RFTN1: variants seen among roughly 807,000 people sequenced by gnomAD.
RFTN1 encodes raftlin, lipid raft linker 1, also known as raftlin.
In RFTN1, 26 loss-of-function variants were observed where a neutral mutation model predicts 46.5. That is an observed-to-expected ratio of 0.56 (90% CI 0.41 to 0.78). The LOEUF (loss-of-function observed/expected upper bound fraction) is 0.78, where lower values mean the gene tolerates loss of function less well. Ranked by LOEUF, RFTN1 falls within the 30% of genes least tolerant of loss-of-function variation. The pLI is 0.00. For missense variants in RFTN1, 693 were observed against 718.7 expected (o/e 0.96, Z 0.41); for synonymous variants, 261 against 284.2 (o/e 0.92, Z 0.82).
At chr3:16,386,311 T>C (rs2074171601) in intron 4 of RFTN1, among the ~76,000 whole-genome samples, 1 of 152,222 alleles carries the variant, frequency 6.6e-6, no homozygotes, top group African/African-American at 2.4e-5. Flanking sequence ...AATTCTGTAA[T>C]CACAATTTAC....
chr3:16,417,655 T>A (rs928683550), intron 3 of RFTN1, among the ~76,000 whole-genome samples: 6 of 152,184 alleles, frequency 3.9e-5, no homozygotes, highest in African/African-American at 1.4e-4. Context: ...GGTGTAGTCA[T>A]TCTCCAGGCA....
chr3:16,367,556 C>T (rs1277849304), intron 6 of RFTN1, among the ~76,000 whole-genome samples: 1 of 152,142 alleles, frequency 6.6e-6, no homozygotes, highest in Non-Finnish European at 1.5e-5. Context: ...CAGGAAGATG[C>T]CTGGGCCCTG....
At chr3:16,357,867 C>T in intron 7 of RFTN1, 65 bp downstream of exon 7, 2 of 1,015,704 alleles carry the variant, frequency 2.0e-6, no homozygotes, top group Non-Finnish European at 3.1e-6. Context: ...ACGGTCAGAT[C>T]AAGCAGGCGG....
chr3:16,406,655 C>A (rs1254049518), intron 4 of RFTN1, among the ~76,000 whole-genome samples: 1 of 152,216 alleles, frequency 6.6e-6, no homozygotes, highest in Admixed American at 6.5e-5. Context: ...AGAATTCTTA[C>A]TATAAGTCTT....
In RFTN1 at chr3:16,509,940, G is replaced by A. The variant is rs1316954920; in HGVS notation, c.-9+3502C>T. ...AGCTTGGTCAGCCCTGGGACACCTTGATGGGATGCAAAACATGCATCCTGG... is the reference window on the plus strand; with the variant it reads ...AGCTTGGTCAGCCCTGGGACACCTTAATGGGATGCAAAACATGCATCCTGG... On this transcript the variant is annotated intron_variant, in intron 1 of 9. Transcript: ENST00000334133. The surrounding 1 kb of genome is among the most constrained non-coding windows in gnomAD (Gnocchi z 4.9). Among the ~76,000 whole-genome samples the A allele has an allele frequency of 6.6e-6, 1 of 152,200 alleles. No homozygotes were observed. Among genetic ancestry groups the A allele is most frequent in the African/African-American group, 2.4e-5 (1 of 41,448 alleles).
rs976977542 is a variant in RFTN1, at chr3:16,335,216, C to T, written c.1147-8340G>A. Among the ~76,000 whole-genome samples the T allele has an allele frequency of 1.3e-5, 2 of 152,152 alleles. No homozygotes were observed. The highest frequency in any genetic ancestry group is 2.9e-5 in the Non-Finnish European group (2 of 68,026). On this transcript the variant is annotated intron_variant, in intron 7 of 9. Coordinates refer to ENST00000334133, the MANE Select transcript of RFTN1 (RefSeq NM_015150.2). This position sits in a 1 kb window ranked among gnomAD's most constrained non-coding sequence, Gnocchi z 4.7. ...AGGAAAAGGCTGGGATGGGGATAAA[C>T]ACTTGGAGGTGCTGACAGATGCAGG...
In RFTN1 at chr3:16,481,841, A is replaced by G. The variant is rs1030389928; in HGVS notation, c.145+11884T>C. The stretch of plus-strand genomic sequence containing the variant: ...GAAAAATGTTTCCCTACCCTACCGC[A>G]TATACTATTTTCAGCAAAGGAGGAG... On this transcript the variant is annotated intron_variant, in intron 2 of 9. Coordinates refer to ENST00000334133, the MANE Select transcript of RFTN1 (RefSeq NM_015150.2). This position sits in a 1 kb window ranked among gnomAD's most constrained non-coding sequence, Gnocchi z 5.1. 6.6e-6 allele frequency among the ~76,000 whole-genome samples: 1 copy of G among 152,182 alleles called. No individual in the cohort carries two copies. Among genetic ancestry groups the G allele is most frequent in the African/African-American group, 2.4e-5 (1 of 41,428 alleles).
At chr3:16,477,653 A>G (rs2076304256) in intron 2 of RFTN1, among the ~76,000 whole-genome samples, 1 of 152,210 alleles carries the variant, frequency 6.6e-6, no homozygotes, top group African/African-American at 2.4e-5. Context: ...ACCCAGGAAA[A>G]AACAATTTTC....
At chr3:16,404,779 C>T (rs907286845) in intron 4 of RFTN1, among the ~76,000 whole-genome samples, 4 of 152,088 alleles carry the variant, frequency 2.6e-5, no homozygotes, top group African/African-American at 9.7e-5. Flanking sequence ...GTCCACCTAG[C>T]CAAAGAACCT....
chr3:16,453,716 C>T (rs2075857831), intron 2 of RFTN1, among the ~76,000 whole-genome samples: 2 of 151,994 alleles, frequency 1.3e-5, no homozygotes, highest in Admixed American at 1.3e-4. Context: ...ATGGAAGAAC[C>T]AGAAAAATAA....
intron 2 of RFTN1, among the ~76,000 whole-genome samples, chr3:16,486,161 C>T (rs544923597): frequency 6.6e-6 from 1 of 152,214 alleles, no homozygotes; most frequent in Non-Finnish European, 1.5e-5. Context: ...TTCTCTTTCC[C>T]CCACTCCTTT....
At chr3:16,389,106 C>A (rs1286797212) in intron 4 of RFTN1, among the ~76,000 whole-genome samples, 1 of 152,214 alleles carries the variant, frequency 6.6e-6, no homozygotes, top group Non-Finnish European at 1.5e-5. Context: ...TTCTTCCCCC[C>A]ACCATCCTCT....
At chr3:16,491,424 G>A (rs1199762399) in intron 2 of RFTN1, among the ~76,000 whole-genome samples, 1 of 152,234 alleles carries the variant, frequency 6.6e-6, no homozygotes, top group African/African-American at 2.4e-5. Flanking sequence ...GGCAGGATCT[G>A]TAGGAGGACG....
At position 16,344,145 on chromosome 3, in the gene RFTN1, T is replaced by A. The variant is rs2071487196; in HGVS notation, c.1146+13787A>T. Among the ~76,000 whole-genome samples the A allele has an allele frequency of 6.6e-6, 1 of 152,188 alleles. No homozygotes were observed. Among genetic ancestry groups the A allele is most frequent in the Non-Finnish European group, 1.5e-5 (1 of 68,040 alleles). ...TGCTGTCAAATCAGGTATGCTTCATTCTATATTATTGACTTTTTGGAGCTT... is the reference window on the plus strand; with the variant it reads ...TGCTGTCAAATCAGGTATGCTTCATACTATATTATTGACTTTTTGGAGCTT... On this transcript the variant is annotated intron_variant, in intron 7 of 9. Transcript: ENST00000334133. This position sits in a 1 kb window ranked among gnomAD's most constrained non-coding sequence, Gnocchi z 4.4.
chr3:16,420,934 G>C (rs2075171733), intron 3 of RFTN1, among the ~76,000 whole-genome samples: 1 of 152,160 alleles, frequency 6.6e-6, no homozygotes. Context: ...TGATGCTGAT[G>C]CTGCTGGTGC....
rs550583031 is a variant in RFTN1, at chr3:16,356,013, G to A, written c.1146+1919C>T. Among the ~76,000 whole-genome samples, 17 of 152,318 alleles carry A rather than the reference G, an allele frequency of 1.1e-4. No homozygotes were observed. Among genetic ancestry groups the A allele is most frequent in the African/African-American group, 3.9e-4 (16 of 41,558 alleles). On this transcript the variant is annotated intron_variant, in intron 7 of 9. Coordinates refer to ENST00000334133, the MANE Select transcript of RFTN1 (RefSeq NM_015150.2). This position sits in a 1 kb window ranked among gnomAD's most constrained non-coding sequence, Gnocchi z 4.9. The stretch of plus-strand genomic sequence containing the variant: ...GCAGCCATGCATCGCTACTGTTACA[G>A]CCAAATGTTACGGAGCAAACTGAAT...
rs1442783306 is a variant in RFTN1 at position 16,337,873 on chromosome 3, C to T, written c.1147-10997G>A. Among the ~76,000 whole-genome samples, 1 of 152,170 alleles carries T rather than the reference C, an allele frequency of 6.6e-6. No homozygotes were observed. Among genetic ancestry groups the T allele is most frequent in the Non-Finnish European group, 1.5e-5 (1 of 68,034 alleles). On this transcript the variant is annotated intron_variant, in intron 7 of 9. Coordinates refer to ENST00000334133, the MANE Select transcript of RFTN1 (RefSeq NM_015150.2). The surrounding 1 kb of genome is among the most constrained non-coding windows in gnomAD (Gnocchi z 5.0). ...GGCTGGCACACCTAGCCCTTATTTG[C>T]TCCAGGCCGGACACTTTGGCCTTGC...
At position 16,413,731 on chromosome 3, in the gene RFTN1, G is replaced by A. The variant is rs769568480; in HGVS notation, c.333-4248C>T. On this transcript the variant is annotated intron_variant, in intron 3 of 9. Transcript: ENST00000334133. This position sits in a 1 kb window ranked among gnomAD's most constrained non-coding sequence, Gnocchi z 4.7. ...CTCTCCAATTAAATAAAGACACTCT[G>A]AGGAGAGCATGACTAATAATAAAAT... Among the ~76,000 whole-genome samples, 1 of 152,224 alleles carries A rather than the reference G, an allele frequency of 6.6e-6. No homozygotes were observed. Among genetic ancestry groups the A allele is most frequent in the Non-Finnish European group, 1.5e-5 (1 of 68,044 alleles).
Position 16,370,299 on chromosome 3 carries a change from G to A in RFTN1, c.827-20C>T. The A allele has an allele frequency of 6.2e-7, 1 of 1,611,480 alleles. No individual in the cohort carries two copies. The highest frequency in any genetic ancestry group is 2.2e-5 in the East Asian group (1 of 44,874). On this transcript the variant is annotated intron_variant, in intron 5 of 9. Coordinates refer to ENST00000334133, the MANE Select transcript of RFTN1 (RefSeq NM_015150.2). The surrounding 1 kb of genome is among the most constrained non-coding windows in gnomAD (Gnocchi z 5.5). Reference sequence around the variant, plus strand: ...CCATTTCTGTTGGGATTTGTAAAGGGAGTGGAGAGAGAAGAGGTCAACTGA... The same window carrying A: ...CCATTTCTGTTGGGATTTGTAAAGGAAGTGGAGAGAGAAGAGGTCAACTGA...
Sources: allele counts gnomAD v4.1 joint callset (sites outside exome capture counted in the v4.1 genomes callset), GRCh38; gene constraint gnomAD v4.1.1; non-coding constraint Gnocchi (gnomAD v3.1); transcripts MANE v1.5; gene names NCBI Gene and HGNC (gene_info 2026-07-23, HGNC 2026-07-21).